KSR1: variants seen among roughly 807,000 people sequenced by gnomAD.
The protein encoded by KSR1 is kinase suppressor of ras.
KSR1 carries 35 observed loss-of-function variants against 92.9 expected under a neutral mutation model. That is an observed-to-expected ratio of 0.38 (90% confidence interval 0.29 to 0.50). The LOEUF (loss-of-function observed/expected upper bound fraction) is 0.50. Among genes scored for constraint, KSR1 ranks in the 20% least tolerant of loss-of-function variants. The pLI, the probability that KSR1 is intolerant of heterozygous loss-of-function variation, is 0.94. For synonymous variants in KSR1, 467 were observed against 472.6 expected (o/e 0.99, Z 0.15); for missense variants, 972 against 1,158.5 (o/e 0.84, Z 2.34).
At chr17:27,562,116 GATTA>G (rs1367459229) in intron 2 of KSR1, among the ~76,000 whole-genome samples, 2 of 152,174 alleles carry the variant, frequency 1.3e-5, no homozygotes, top group Non-Finnish European at 2.9e-5. Context: ...AAAGTGCTGG[GATTA>G]CAGGCATGAG....
chr17:27,456,541 C>A lies in KSR1; in HGVS notation c.-103C>A. On this transcript the variant is annotated 5_prime_UTR_variant, in exon 1 of 21. Coordinates refer to ENST00000644974, the MANE Select transcript of KSR1 (RefSeq NM_001394583.1). ...ACCGGCGTCCCGGCTCGGGCAGCGC[C>A]GAGGGGCGCTCCTGGTCCAGCTCTC... 1 of 419,022 alleles carries A rather than the reference C, an allele frequency of 2.4e-6. No individual in the cohort carries two copies. Among genetic ancestry groups the A allele is most frequent in the South Asian group, 7.3e-5 (1 of 13,792 alleles). 26.0% of individuals were successfully genotyped at this position (419,022 alleles called of 1,614,324 possible).
At chr17:27,470,295 G>T (rs930220821) in intron 1 of KSR1, among the ~76,000 whole-genome samples, 1 of 146,736 alleles carries the variant, frequency 6.8e-6, no homozygotes, top group Non-Finnish European at 1.5e-5. Flanking sequence ...AGGCTGGAGT[G>T]CAGTGGTGCG....
At chr17:27,532,081 A>G (rs993488459) in intron 1 of KSR1, among the ~76,000 whole-genome samples, 7 of 152,160 alleles carry the variant, frequency 4.6e-5, no homozygotes, top group Non-Finnish European at 8.8e-5. Flanking sequence ...CAGTTTCCTC[A>G]TCAGTTTTTC....
chr17:27,517,718 G>T (rs1267340015), intron 1 of KSR1, among the ~76,000 whole-genome samples: 1 of 152,232 alleles, frequency 6.6e-6, no homozygotes. Flanking sequence ...AGGATTGAAG[G>T]TAGATTGGTT....
intron 1 of KSR1, among the ~76,000 whole-genome samples, chr17:27,522,296 A>G (rs1313289794): frequency 4.6e-5 from 7 of 152,206 alleles, no homozygotes; most frequent in Non-Finnish European, 1.0e-4. Context: ...ACTTGATCCT[A>G]GGAATACTGG....
intron 1 of KSR1, among the ~76,000 whole-genome samples, chr17:27,495,257 C>G (rs1274076077): frequency 6.6e-6 from 1 of 152,158 alleles, no homozygotes; most frequent in African/African-American, 2.4e-5. Context: ...TCCCCTGAGC[C>G]CTCTAATACT....
In KSR1 at chr17:27,594,635, T is replaced by A. The variant is rs2073280897; in HGVS notation, c.1299+2009T>A. ...CCTCCAGGATCCCACTGAAGGTTGC[T>A]ATGATAACATAAGCTAACCATTACT... On this transcript the variant is annotated intron_variant, in intron 9 of 20. Transcript: ENST00000644974. Among the ~76,000 whole-genome samples the A allele has an allele frequency of 2.0e-5, 3 of 152,340 alleles. No homozygotes were observed. In the South Asian group the frequency reaches 6.2e-4, roughly 32 times the overall value.
At chr17:27,547,993 G>A (rs1030640806) in intron 1 of KSR1, among the ~76,000 whole-genome samples, 8 of 152,150 alleles carry the variant, frequency 5.3e-5, no homozygotes, top group African/African-American at 1.4e-4. Context: ...GATTACAGGC[G>A]TGAGCCACCA....
At chr17:27,510,691 C>T (rs1190613872) in intron 1 of KSR1, among the ~76,000 whole-genome samples, 2 of 152,216 alleles carry the variant, frequency 1.3e-5, no homozygotes, top group Non-Finnish European at 2.9e-5. Context: ...CAGATGCTCT[C>T]TTGCTGGTTC....
intron 1 of KSR1, among the ~76,000 whole-genome samples, chr17:27,547,641 C>A (rs936651907): frequency 7.2e-5 from 11 of 152,122 alleles, no homozygotes; most frequent in Non-Finnish European, 1.3e-4. Flanking sequence ...GTTTTTGAGA[C>A]AGAGTCTTGC....
intron 1 of KSR1, among the ~76,000 whole-genome samples, chr17:27,512,724 A>T (rs2069644191): frequency 2.0e-5 from 3 of 152,212 alleles, no homozygotes. Flanking sequence ...CTCCGTCTCC[A>T]AACAAACAAA....
At chr17:27,526,516 C>G in intron 1 of KSR1, 1 of 1,604,066 alleles carries the variant, frequency 6.2e-7, no homozygotes, top group East Asian at 2.2e-5. Context: ...TCCTCCTCTG[C>G]CATCTCACAC....
intron 1 of KSR1, among the ~76,000 whole-genome samples, chr17:27,501,292 C>CTTTTTTTTTTTTTTT: frequency 6.8e-4 from 34 of 49,696 alleles, no homozygotes; most frequent in Admixed American, 1.5e-3. Context: ...TTCTTTTCTT[C>CTTTTTTTTTTTTTTT]TTTTTTTTTT....
At position 27,469,231 on chromosome 17, in the gene KSR1, T is replaced by A. The variant is rs191224882; in HGVS notation, c.231+12357T>A. Among the ~76,000 whole-genome samples, 8 of 152,324 alleles carry A rather than the reference T, an allele frequency of 5.3e-5. No individual in the cohort carries two copies. The East Asian group carries it at 1.3e-3, about 26-fold the overall frequency. ...AGTCCTTCCTGAAGCCTAGCTTTGTTGACCACTTTCTCATTTCTTTTCTCC... is the reference window on the plus strand; with the variant it reads ...AGTCCTTCCTGAAGCCTAGCTTTGTAGACCACTTTCTCATTTCTTTTCTCC... On this transcript the variant is annotated intron_variant, in intron 1 of 20. Transcript: ENST00000644974.
At chr17:27,535,638 C>T (rs1359303330) in intron 1 of KSR1, among the ~76,000 whole-genome samples, 2 of 152,190 alleles carry the variant, frequency 1.3e-5, no homozygotes, top group Non-Finnish European at 2.9e-5. Flanking sequence ...CCCAGTCACC[C>T]GTCCTGGTTT....
At chr17:27,545,232 C>T (rs2071123607) in intron 1 of KSR1, among the ~76,000 whole-genome samples, 1 of 152,210 alleles carries the variant, frequency 6.6e-6, no homozygotes, top group South Asian at 2.1e-4. Context: ...CCGCTTGCTC[C>T]TCTTCTAGGG....
intron 4 of KSR1, 70 bp downstream of exon 4, chr17:27,583,175 G>A (rs1400518213): frequency 8.9e-7 from 1 of 1,121,684 alleles, no homozygotes; most frequent in East Asian, 2.6e-5. Context: ...ATATATGGAA[G>A]GACCAATAAA....
chr17:27,625,142 T>A lies in KSR1; in HGVS notation c.*1750T>A, dbSNP rs1248054596. ...CCACACACCTGCCCCTTCCCAGGGA[T>A]CACGTGTGTCTCCAGCCTTTCACCT... is the stretch of plus-strand genomic sequence containing the variant. On this transcript the variant is annotated 3_prime_UTR_variant, in exon 21 of 21. Coordinates refer to ENST00000644974, the MANE Select transcript of KSR1 (RefSeq NM_001394583.1). The A allele has an allele frequency of 2.6e-5, 4 of 152,280 alleles. No homozygotes were observed. The highest frequency in any genetic ancestry group is 5.9e-5 in the Non-Finnish European group (4 of 68,128). The allele number at this position is 152,280 out of a possible 1,614,324, so 9.4% of individuals were successfully genotyped here. A position where few individuals can be genotyped will look rare whatever the true frequency, so the allele number is the denominator to read the frequency against.
At chr17:27,488,986 T>C (rs974826975) in intron 1 of KSR1, among the ~76,000 whole-genome samples, 6 of 152,302 alleles carry the variant, frequency 3.9e-5, no homozygotes, top group Middle Eastern at 3.4e-3. Flanking sequence ...TTTTAAAAAA[T>C]GTCGTGTTGT....
Sources: allele counts gnomAD v4.1 joint callset (sites outside exome capture counted in the v4.1 genomes callset), GRCh38; gene constraint gnomAD v4.1.1; transcripts MANE v1.5; gene names NCBI Gene and HGNC (gene_info 2026-07-23, HGNC 2026-07-21).